ASTN1: variants seen among roughly 807,000 people sequenced by gnomAD.
ASTN1 encodes the protein astrotactin-1.
A neutral mutation model predicts 140.7 loss-of-function variants in ASTN1; 41 were observed. That is an observed-to-expected ratio of 0.29 (90% CI 0.23 to 0.38). ASTN1 has a LOEUF of 0.38. Among genes scored for constraint, ASTN1 ranks in the 10% least tolerant of loss-of-function variants. The probability of loss-of-function intolerance (pLI) is 1.00; values close to 1 mark genes in which losing one functional copy is unlikely to be tolerated. For synonymous variants in ASTN1, 640 were observed against 652.2 expected, an observed-to-expected ratio of 0.98 and a Z score of 0.29; for missense variants, 1,479 against 1,678.8, an observed-to-expected ratio of 0.88 and a Z score of 2.08.
rs557534347 is a variant in ASTN1 at position 176,996,646 on chromosome 1, G to A, written c.1523+18145C>T. Among the ~76,000 whole-genome samples, 7 of 152,304 alleles carry A rather than the reference G, an allele frequency of 4.6e-5. No homozygotes were observed. In the South Asian group the frequency reaches 1.2e-3, roughly 27 times the overall value. ...GGAGAGAACAGCAGACTTAATACACGTGTAGGTTTGCCTCTTCCTCCCTCT... is the reference window on the plus strand; with the variant it reads ...GGAGAGAACAGCAGACTTAATACACATGTAGGTTTGCCTCTTCCTCCCTCT... On this transcript the variant is annotated intron_variant, in intron 8 of 22. Coordinates refer to ENST00000361833, the MANE Select transcript of ASTN1 (RefSeq NM_004319.3).
chr1:177,010,312 C>A (rs1675228228), intron 8 of ASTN1, among the ~76,000 whole-genome samples: 1 of 152,180 alleles, frequency 6.6e-6, no homozygotes, highest in Admixed American at 6.5e-5. Context: ...TCAGTGAATT[C>A]ATACAGGGGA....
chr1:177,124,842 T>C (rs1339196947), intron 1 of ASTN1, among the ~76,000 whole-genome samples: 2 of 152,306 alleles, frequency 1.3e-5, no homozygotes, highest in East Asian at 1.9e-4. Flanking sequence ...ATTATCCAAA[T>C]GCAAAGAGAA....
intron 17 of ASTN1, among the ~76,000 whole-genome samples, chr1:176,890,233 C>T (rs1669203790): frequency 2.6e-5 from 4 of 152,180 alleles, no homozygotes; most frequent in Admixed American, 2.6e-4. Context: ...GTTGAGCTGC[C>T]ATGAATGCAT....
Position 177,070,850 on chromosome 1 carries a change from G to T in ASTN1, c.284-9585C>A, listed in dbSNP as rs573801897. On this transcript the variant is annotated intron_variant, in intron 1 of 22. Coordinates refer to ENST00000361833, the MANE Select transcript of ASTN1 (RefSeq NM_004319.3). The stretch of plus-strand genomic sequence containing the variant: ...ATCTCAACGTTCATTCCCTCACTTT[G>T]CAAATCTCAGTCTTGGGATAATACA... 1.9e-3 allele frequency among the ~76,000 whole-genome samples: 286 copies of T among 152,168 alleles called. 1 individual carries two copies. Among genetic ancestry groups the T allele is most frequent in the African/African-American group, 6.5e-3 (270 of 41,514 alleles).
chr1:176,916,212 T>C (rs1340257497), intron 16 of ASTN1, among the ~76,000 whole-genome samples: 1 of 152,178 alleles, frequency 6.6e-6, no homozygotes, highest in Non-Finnish European at 1.5e-5. Flanking sequence ...GGGGTCATGG[T>C]CAAACACAGG....
At chr1:177,087,123 GC>G (rs1679510889) in intron 1 of ASTN1, among the ~76,000 whole-genome samples, 1 of 152,042 alleles carries the variant, frequency 6.6e-6, no homozygotes, top group African/African-American at 2.4e-5. Context: ...GTCCTAACAT[GC>G]CCCTTCCTCC....
chr1:176,971,754 T>C (rs905096472), intron 8 of ASTN1, among the ~76,000 whole-genome samples: 1 of 152,200 alleles, frequency 6.6e-6, no homozygotes, highest in Non-Finnish European at 1.5e-5. Flanking sequence ...CACAGTAGTA[T>C]CATTACATAG....
intron 5 of ASTN1, among the ~76,000 whole-genome samples, chr1:177,025,492 G>T (rs1571668838): frequency 6.6e-6 from 1 of 151,044 alleles, no homozygotes; most frequent in South Asian, 2.1e-4. Flanking sequence ...TTTCCTGTTG[G>T]GGAGAAGACG....
intron 21 of ASTN1, among the ~76,000 whole-genome samples, chr1:176,870,510 T>A (rs1571434451): frequency 6.6e-6 from 1 of 152,370 alleles, no homozygotes; most frequent in Admixed American, 6.5e-5. Context: ...CCAGATTGTA[T>A]GCCCTTACTA....
At chr1:176,994,240 G>A (rs1336510773) in intron 8 of ASTN1, among the ~76,000 whole-genome samples, 6 of 151,972 alleles carry the variant, frequency 3.9e-5, no homozygotes, top group East Asian at 3.9e-4. Context: ...TTTATAGTAC[G>A]TCCTGTGGAT....
At chr1:177,047,151 C>T (rs13374727) in intron 2 of ASTN1, among the ~76,000 whole-genome samples, 5,589 of 152,152 alleles carry the variant, frequency 0.037, 346 homozygotes, top group African/African-American at 0.12. Context: ...GAAATATGCA[C>T]CAGGAATTGC....
chr1:177,038,056 G>A (rs1259082253), intron 2 of ASTN1, among the ~76,000 whole-genome samples: 1 of 152,162 alleles, frequency 6.6e-6, no homozygotes, highest in African/African-American at 2.4e-5. Flanking sequence ...GCCGAAGGAT[G>A]GAAAATTCTA....
At chr1:176,904,030 C>T (rs1444250085) in intron 16 of ASTN1, among the ~76,000 whole-genome samples, 3 of 152,118 alleles carry the variant, frequency 2.0e-5, no homozygotes, top group Admixed American at 6.5e-5. Context: ...AGACACTAGT[C>T]GTTGAAGGTA....
intron 2 of ASTN1, among the ~76,000 whole-genome samples, chr1:177,047,273 C>A (rs1186226937): frequency 6.6e-6 from 1 of 152,130 alleles, no homozygotes; most frequent in Non-Finnish European, 1.5e-5. Flanking sequence ...TGGCCTCACT[C>A]AGAGGAGAGG....
intron 16 of ASTN1, among the ~76,000 whole-genome samples, chr1:176,922,643 G>A (rs1167433190): frequency 2.0e-5 from 3 of 149,176 alleles, no homozygotes; most frequent in Non-Finnish European, 4.4e-5. Context: ...AACTGTCTAC[G>A]ACAAGGTCTG....
At chr1:177,062,860 G>T (rs570701776) in intron 1 of ASTN1, among the ~76,000 whole-genome samples, 1 of 152,170 alleles carries the variant, frequency 6.6e-6, no homozygotes, top group Non-Finnish European at 1.5e-5. Flanking sequence ...TAATCTAAAC[G>T]AGATCCTCAA....
chr1:176,912,648 G>T (rs2103061882), intron 16 of ASTN1, among the ~76,000 whole-genome samples: 1 of 152,014 alleles, frequency 6.6e-6, no homozygotes, highest in Middle Eastern at 3.4e-3. Flanking sequence ...AGAGAACTTA[G>T]GTCATACAGA....
intron 8 of ASTN1, among the ~76,000 whole-genome samples, chr1:176,986,179 T>C (rs1329040012): frequency 6.6e-6 from 1 of 152,158 alleles, no homozygotes; most frequent in Non-Finnish European, 1.5e-5. Flanking sequence ...TTTGCACTCT[T>C]TGTGGACAGA....
intron 8 of ASTN1, among the ~76,000 whole-genome samples, chr1:177,007,795 C>A (rs951207689): frequency 5.9e-5 from 9 of 152,124 alleles, no homozygotes; most frequent in African/African-American, 1.9e-4. Context: ...TCAAAATGAC[C>A]ACAGTTCAGC....
Sources: gnomAD v4.1 joint callset for allele counts (sites outside exome capture counted in the v4.1 genomes callset) on GRCh38, gnomAD v4.1.1 for gene constraint, MANE v1.5 for transcripts, NCBI Gene and HGNC (gene_info 2026-07-23, HGNC 2026-07-21) for gene names.